ST6GALNAC3: variants seen among roughly 807,000 people sequenced by gnomAD.
The protein encoded by ST6GALNAC3 is alpha-N-acetylgalactosaminide alpha-2,6-sialyltransferase 3.
ST6GALNAC3 carries 25 observed loss-of-function variants against 32.7 expected under a neutral mutation model. The ratio of observed to expected loss-of-function variants is 0.76; its 90% CI spans 0.56 to 1.07. The LOEUF is 1.07. Among genes scored for constraint, ST6GALNAC3 ranks in the 50% least tolerant of loss-of-function variants. ST6GALNAC3 has a pLI of 0.00. For missense variants in ST6GALNAC3, 355 were observed against 382.4 expected, an observed-to-expected ratio of 0.93 and a Z score of 0.60; for synonymous variants, 129 against 133.1, an observed-to-expected ratio of 0.97 and a Z score of 0.21.
intron 3 of ST6GALNAC3, among the ~76,000 whole-genome samples, chr1:76,585,623 G>A (rs1646952101): frequency 1.3e-5 from 2 of 152,022 alleles, no homozygotes; most frequent in Non-Finnish European, 2.9e-5. Context: ...GAGGGCCCAG[G>A]AATAATATGA....
At chr1:76,268,480 G>GTCAGCCTTTCCCTCCAGCCCCCACACA (rs1553171319) in intron 1 of ST6GALNAC3, among the ~76,000 whole-genome samples, 2 of 152,198 alleles carry the variant, frequency 1.3e-5, no homozygotes, top group Non-Finnish European at 2.9e-5. Flanking sequence ...CCTGGTGGCA[G>GTCAGCCTTTCCCTCCAGCCCCCACACA]TCAGCCTTTC....
Position 76,372,752 on chromosome 1 carries a change from A to G in ST6GALNAC3, c.214-39256A>G, listed in dbSNP as rs541262110. Among the ~76,000 whole-genome samples, 64 of 152,060 alleles carry G rather than the reference A, an allele frequency of 4.2e-4. 1 individual carries two copies. Among genetic ancestry groups the G allele is most frequent in the Non-Finnish European group, 7.4e-4 (50 of 67,996 alleles). ...GACTTCATCTTCTCCTATTATTTTC[A>G]CTCCTATCCATTGAATAAATTCTGA... On this transcript the variant is annotated intron_variant, in intron 2 of 4. Coordinates refer to ENST00000328299, the MANE Select transcript of ST6GALNAC3 (RefSeq NM_152996.4).
chr1:76,405,477 G>T (rs1055485155), intron 2 of ST6GALNAC3, among the ~76,000 whole-genome samples: 3 of 152,158 alleles, frequency 2.0e-5, no homozygotes, highest in African/African-American at 2.4e-5. Context: ...AGGGCAATTT[G>T]TCAGGTTCAT....
At chr1:76,351,408 A>T (rs182935329) in intron 2 of ST6GALNAC3, among the ~76,000 whole-genome samples, 266 of 152,222 alleles carry the variant, frequency 1.7e-3, no homozygotes, top group African/African-American at 6.0e-3. Flanking sequence ...ACACTTGCAC[A>T]TTCCCAGAAA....
intron 3 of ST6GALNAC3, among the ~76,000 whole-genome samples, chr1:76,502,281 T>C (rs1455220823): frequency 6.6e-6 from 1 of 152,254 alleles, no homozygotes; most frequent in African/African-American, 2.4e-5. Context: ...CAACAACTTC[T>C]GCCACATTAA....
In ST6GALNAC3 at chr1:76,632,262, A is replaced by C. The variant is rs1273518614; in HGVS notation, c.*3456A>C. The C allele has an allele frequency of 6.6e-6, 1 of 152,166 alleles. No individual in the cohort carries two copies. Among genetic ancestry groups the C allele is most frequent in the African/African-American group, 2.4e-5 (1 of 41,436 alleles). The allele number at this position is 152,166 out of a possible 1,614,324, so 9.4% of individuals were successfully genotyped here. A position where few individuals can be genotyped will look rare whatever the true frequency, so the allele number is the denominator to read the frequency against. ...CTGATTGCTAAGAGTACGTAAAATC[A>C]TATTCAAAAGCTGGCCAGAAGAATA... On this transcript the variant is annotated 3_prime_UTR_variant, in exon 5 of 5. Coordinates refer to ENST00000328299, the MANE Select transcript of ST6GALNAC3 (RefSeq NM_152996.4).
At chr1:76,223,255 C>T (rs1655880698) in intron 1 of ST6GALNAC3, among the ~76,000 whole-genome samples, 1 of 152,124 alleles carries the variant, frequency 6.6e-6, no homozygotes, top group Non-Finnish European at 1.5e-5. Context: ...ATGGATGGAT[C>T]TGTAAGCCAT....
intron 3 of ST6GALNAC3, among the ~76,000 whole-genome samples, chr1:76,426,584 G>T (rs1053682243): frequency 1.3e-5 from 2 of 151,244 alleles, no homozygotes; most frequent in Non-Finnish European, 2.9e-5. Flanking sequence ...TATATATAGG[G>T]AGAGAGAGAA....
At chr1:76,546,275 T>C (rs908306965) in intron 3 of ST6GALNAC3, among the ~76,000 whole-genome samples, 4 of 152,174 alleles carry the variant, frequency 2.6e-5, no homozygotes, top group African/African-American at 9.7e-5. Context: ...GTTGAGTATA[T>C]GGATTTAAAA....
At chr1:76,292,062 T>C (rs1240173901) in intron 1 of ST6GALNAC3, among the ~76,000 whole-genome samples, 1 of 152,230 alleles carries the variant, frequency 6.6e-6, no homozygotes, top group Non-Finnish European at 1.5e-5. Flanking sequence ...GGAAATCTTA[T>C]AGCACCATTT....
At chr1:76,323,949 T>C (rs1180116715) in intron 2 of ST6GALNAC3, among the ~76,000 whole-genome samples, 1 of 152,128 alleles carries the variant, frequency 6.6e-6, no homozygotes, top group Non-Finnish European at 1.5e-5. Flanking sequence ...GACCTCTACC[T>C]CCCAGGCTCA....
At chr1:76,112,473 C>T (rs1465384568) in intron 1 of ST6GALNAC3, among the ~76,000 whole-genome samples, 1 of 150,304 alleles carries the variant, frequency 6.7e-6, no homozygotes, top group African/African-American at 2.5e-5. Flanking sequence ...GGGGGGCTAA[C>T]CTCCCCACCT....
At chr1:76,453,502 T>C (rs1240553894) in intron 3 of ST6GALNAC3, among the ~76,000 whole-genome samples, 4 of 152,186 alleles carry the variant, frequency 2.6e-5, no homozygotes, top group Non-Finnish European at 2.9e-5. Flanking sequence ...ATTCAATGAA[T>C]TTTTAAATTT....
chr1:76,331,100 A>G (rs10493591), intron 2 of ST6GALNAC3, among the ~76,000 whole-genome samples: 27,942 of 152,158 alleles, frequency 0.18, 3,488 homozygotes, highest in African/African-American at 0.36. Context: ...TAATGATGTA[A>G]GACTACTGCC....
rs977902529 is a variant in ST6GALNAC3 at position 76,086,224 on chromosome 1, A to T, written c.18+11340A>T. On this transcript the variant is annotated intron_variant, in intron 1 of 4. Coordinates refer to ENST00000328299, the MANE Select transcript of ST6GALNAC3 (RefSeq NM_152996.4). Reference sequence around the variant, plus strand: ...AGGAAACAGCTTTCACAGTTAGATTATGCTGGCTTTGGTTACAAAAGTTAA... The same window carrying T: ...AGGAAACAGCTTTCACAGTTAGATTTTGCTGGCTTTGGTTACAAAAGTTAA... 1.2e-4 allele frequency among the ~76,000 whole-genome samples: 18 copies of T among 152,356 alleles called. No individual in the cohort carries two copies. In the East Asian group the frequency reaches 2.9e-3, roughly 24 times the overall value.
chr1:76,452,798 T>C (rs1657503883), intron 3 of ST6GALNAC3, among the ~76,000 whole-genome samples: 1 of 152,192 alleles, frequency 6.6e-6, no homozygotes, highest in South Asian at 2.1e-4. Context: ...CTTCATAGAA[T>C]GACTTAGGGA....
At position 76,630,172 on chromosome 1, in the gene ST6GALNAC3, A is replaced by G; in HGVS notation, c.*1366A>G. On this transcript the variant is annotated 3_prime_UTR_variant, in exon 5 of 5. Transcript: ENST00000328299. ...GATTGCTCTACTTGCTAATATTTGT[A>G]TAGAATAGAATTTATGTAAACTAGT... is the stretch of plus-strand genomic sequence containing the variant. The G allele has an allele frequency of 1.0e-6, 1 of 985,200 alleles. No homozygotes were observed. Among genetic ancestry groups the G allele is most frequent in the African/African-American group, 1.7e-5 (1 of 57,306 alleles). 61.0% of individuals were successfully genotyped at this position (985,200 alleles called of 1,614,324 possible).
At chr1:76,375,728 T>C (rs1651170615) in intron 2 of ST6GALNAC3, among the ~76,000 whole-genome samples, 2 of 152,190 alleles carry the variant, frequency 1.3e-5, no homozygotes, top group South Asian at 2.1e-4. Flanking sequence ...AAATCAAATG[T>C]CTATTTTTTG....
chr1:76,088,664 A>G (rs1406217644), intron 1 of ST6GALNAC3, among the ~76,000 whole-genome samples: 2 of 152,156 alleles, frequency 1.3e-5, no homozygotes, highest in East Asian at 3.9e-4. Context: ...ATCTTTTAAA[A>G]AGTAAATAAG....
Sources: gnomAD v4.1 joint callset for allele counts (sites outside exome capture counted in the v4.1 genomes callset) on GRCh38, gnomAD v4.1.1 for gene constraint, MANE v1.5 for transcripts, NCBI Gene and HGNC (gene_info 2026-07-23, HGNC 2026-07-21) for gene names.